CUL1: variants seen among roughly 807,000 people sequenced by gnomAD.
CUL1 encodes cullin 1.
Under a neutral mutation model 118.0 loss-of-function variants are expected in CUL1, and 24 were observed. The ratio of observed to expected loss-of-function variants is 0.20; its 90% confidence interval spans 0.15 to 0.29. CUL1 has a LOEUF of 0.29. Among genes scored for constraint, CUL1 ranks in the 10% least tolerant of loss-of-function variants. The probability of loss-of-function intolerance (pLI) is 1.00; values close to 1 mark genes in which losing one functional copy is unlikely to be tolerated. For synonymous variants in CUL1, 332 were observed against 340.4 expected (o/e 0.98, Z 0.27); for missense variants, 361 against 933.8 (o/e 0.39, Z 7.99).
chr7:148,789,820 G>A lies in CUL1; in HGVS notation c.1668G>A (p.Pro556=), dbSNP rs139584084. Residue 556 remains proline, a synonymous_variant, in exon 15 of 22, where the codon CCG becomes CCA. Coordinates refer to ENST00000325222, the MANE Select transcript of CUL1 (RefSeq NM_003592.3). ...AGCAGTCTTGTACATTTGCCTTGCC[G>A]TCAGAGGTAAGGATGGGTTTGTCTG... ...PFQQSCTFAL[P]SELERSYQRF... is the part of the protein sequence containing the mutation. 58 of 1,613,900 alleles carry A rather than the reference G, an allele frequency of 3.6e-5. No individual in the cohort carries two copies. The highest frequency in any genetic ancestry group is 3.4e-4 in the South Asian group (31 of 91,074).
upstream of CUL1, chr7:148,698,188 G>A: frequency 6.6e-6 from 1 of 152,394 alleles, no homozygotes; most frequent in Non-Finnish European, 1.5e-5. Context: ...GGAAGTCCGC[G>A]CCGATTCGGA....
chr7:148,767,930 C>T lies in CUL1; in HGVS notation c.1083+181C>T, dbSNP rs961252949. ...GACATCTTTGTTTAGTAAATACCTC[C>T]GTAAGTTTTTCCCTCGCACTTTTTA... On this transcript the variant is annotated intron_variant, in intron 9 of 21. Transcript: ENST00000325222. 5.9e-5 allele frequency among the ~76,000 whole-genome samples: 9 copies of T among 152,262 alleles called. No individual in the cohort carries two copies. In the East Asian group the frequency reaches 1.3e-3, roughly 23 times the overall value.
rs750227032 is a variant in CUL1, at chr7:148,730,097, T to G, written c.-26T>G. On this transcript the variant is annotated 5_prime_UTR_variant, in exon 2 of 22. Transcript: ENST00000325222. ...GTACTTTGAATAAGGATTGCTGCACTGGACGACTTTAGAACATCCCTCACA... is the reference window on the plus strand; with the variant it reads ...GTACTTTGAATAAGGATTGCTGCACGGGACGACTTTAGAACATCCCTCACA... 5.6e-6 allele frequency: 9 copies of G among 1,607,046 alleles called. No individual in the cohort carries two copies. The highest frequency in any genetic ancestry group is 7.6e-6 in the Non-Finnish European group (9 of 1,176,606).
Position 148,768,977 on chromosome 7 carries a change from G to A in CUL1, c.1083+1228G>A, listed in dbSNP as rs560922785. Among the ~76,000 whole-genome samples the A allele has an allele frequency of 4.7e-4, 71 of 152,098 alleles. 1 individual carries two copies. Among genetic ancestry groups the A allele is most frequent in the Non-Finnish European group, 7.1e-4 (48 of 67,998 alleles). On this transcript the variant is annotated intron_variant, in intron 9 of 21. Coordinates refer to ENST00000325222, the MANE Select transcript of CUL1 (RefSeq NM_003592.3). ...AAGATGGGAGGGAACTGGCTCAGCCGTGGATTTTATGAAAAAGATCTCTAG... is the reference window on the plus strand; with the variant it reads ...AAGATGGGAGGGAACTGGCTCAGCCATGGATTTTATGAAAAAGATCTCTAG...
chr7:148,775,572 G>T (rs1174514182), intron 9 of CUL1, among the ~76,000 whole-genome samples: 2 of 152,196 alleles, frequency 1.3e-5, no homozygotes, highest in Non-Finnish European at 2.9e-5. Flanking sequence ...AGGAGAAAGA[G>T]TGTCTTTAGG....
chr7:148,702,904 T>C (rs142059710), intron 1 of CUL1, among the ~76,000 whole-genome samples: 78 of 152,352 alleles, frequency 5.1e-4, no homozygotes, highest in African/African-American at 1.8e-3. Flanking sequence ...GCATACTGCA[T>C]GCATCAACAT....
In CUL1 at chr7:148,767,755, T is replaced by C; in HGVS notation, c.1083+6T>C. ...GTGGAGAAGCTGCTTTAAATGTAAG[T>C]GAGATTTCATTGAAAATCAGTCAGG... On this transcript the variant is annotated splice_donor_region_variant and intron_variant, in intron 9 of 21. Transcript: ENST00000325222. 1 of 1,611,238 alleles carries C rather than the reference T, an allele frequency of 6.2e-7. No individual in the cohort carries two copies.
intron 1 of CUL1, among the ~76,000 whole-genome samples, chr7:148,704,574 G>A (rs1797825320): frequency 6.6e-6 from 1 of 151,660 alleles, no homozygotes; most frequent in African/African-American, 2.4e-5. Context: ...TTTTTTTGCT[G>A]TTGTTAAGGA....
chr7:148,719,995 G>T (rs150689787), intron 1 of CUL1, among the ~76,000 whole-genome samples: 1 of 152,202 alleles, frequency 6.6e-6, no homozygotes, highest in Admixed American at 6.5e-5. Context: ...GCTTGTACAT[G>T]CAGAGAATAT....
intron 1 of CUL1, 32 bp from the exon 2 acceptor site, chr7:148,729,928 GAC>G: frequency 1.6e-6 from 1 of 623,758 alleles, no homozygotes; most frequent in South Asian, 2.4e-5. Flanking sequence ...GTACCCCAGA[GAC>G]AATCCACTGA....
chr7:148,799,468 G>GT, intron 21 of CUL1, 80 bp downstream of exon 21: 3 of 938,202 alleles, frequency 3.2e-6, no homozygotes, highest in Non-Finnish European at 5.0e-6. Flanking sequence ...ATTGATTGCT[G>GT]TAGCATGAAG....
chr7:148,730,284 G>T, intron 2 of CUL1, 22 bp downstream of exon 2: 1 of 1,584,944 alleles, frequency 6.3e-7, no homozygotes, highest in Non-Finnish European at 8.6e-7. Flanking sequence ...CCTAGCGCAG[G>T]TTGATTGCTT....
chr7:148,788,529 A>G (rs1800895288), intron 13 of CUL1, 28 bp from the exon 14 acceptor site: 1 of 1,422,752 alleles, frequency 7.0e-7, no homozygotes, highest in African/African-American at 1.4e-5. Context: ...GTACAAATTA[A>G]TAAGACAGTC....
At chr7:148,799,706 C>A (rs769969710) in intron 21 of CUL1, among the ~76,000 whole-genome samples, 1 of 149,988 alleles carries the variant, frequency 6.7e-6, no homozygotes, top group Non-Finnish European at 1.5e-5. Flanking sequence ...AAATCACTGT[C>A]GTGTCTTCTG....
intron 9 of CUL1, among the ~76,000 whole-genome samples, chr7:148,768,089 G>A (rs935537607): frequency 5.3e-5 from 8 of 152,120 alleles, no homozygotes; most frequent in African/African-American, 1.9e-4. Flanking sequence ...ACAGTCCACA[G>A]GTTGTGCCTT....
intron 2 of CUL1, among the ~76,000 whole-genome samples, chr7:148,744,360 A>G (rs938890990): frequency 5.3e-5 from 8 of 150,208 alleles, no homozygotes; most frequent in Admixed American, 4.6e-4. Flanking sequence ...AAATTTTTTT[A>G]TAGTTCCTTT....
At chr7:148,792,988 A>G (rs1801068536) in intron 17 of CUL1, among the ~76,000 whole-genome samples, 170 bp downstream of exon 17, 1 of 152,214 alleles carries the variant, frequency 6.6e-6, no homozygotes, top group South Asian at 2.1e-4. Flanking sequence ...CACTACAAAA[A>G]GCTTCATGTT....
At chr7:148,719,021 G>C (rs1798309878) in intron 1 of CUL1, among the ~76,000 whole-genome samples, 1 of 152,130 alleles carries the variant, frequency 6.6e-6, no homozygotes, top group Admixed American at 6.5e-5. Context: ...AGAAAACTTA[G>C]CTACTGTTGG....
intron 1 of CUL1, among the ~76,000 whole-genome samples, chr7:148,717,789 A>G (rs1798265164): frequency 6.6e-6 from 1 of 152,104 alleles, no homozygotes; most frequent in Non-Finnish European, 1.5e-5. Flanking sequence ...TCCTCTGAGA[A>G]ACGCTCAAAG....
Sources: gnomAD v4.1 joint callset for allele counts (sites outside exome capture counted in the v4.1 genomes callset) on GRCh38, gnomAD v4.1.1 for gene constraint, MANE v1.5 for transcripts, NCBI Gene and HGNC (gene_info 2026-07-23, HGNC 2026-07-21) for gene names.